The following MINDY4 variants were observed in gnomAD, a reference collection of about 807,000 sequenced individuals.
MINDY4 encodes the protein MINDY lysine 48 deubiquitinase 4.
MINDY4 carries 68 observed loss-of-function variants against 87.0 expected under a neutral mutation model. The observed-to-expected ratio is 0.78, with a 90% CI of 0.64 to 0.96. The LOEUF (loss-of-function observed/expected upper bound fraction) is 0.96. Ranked by LOEUF, MINDY4 falls within the 40% of genes least tolerant of loss-of-function variation. The pLI is 0.00. For synonymous variants in MINDY4, 379 were observed against 363.2 expected (o/e 1.04, Z -0.50); for missense variants, 919 against 928.2 (o/e 0.99, Z 0.13).
chr7:30,852,049 A>G (rs1789430852), intron 10 of MINDY4, among the ~76,000 whole-genome samples, 167 bp from the exon 11 acceptor site: 1 of 150,700 alleles, frequency 6.6e-6, no homozygotes, highest in Non-Finnish European at 1.5e-5. Flanking sequence ...GGCCCAGCCT[A>G]GTGGGTGAGT....
At chr7:30,829,288 T>G (rs1366250321) in intron 6 of MINDY4, among the ~76,000 whole-genome samples, 1 of 146,062 alleles carries the variant, frequency 6.8e-6, no homozygotes, top group East Asian at 2.3e-4. Context: ...AGCAAACTTT[T>G]TTTCTCTCTC....
intron 15 of MINDY4, among the ~76,000 whole-genome samples, chr7:30,878,107 CAG>C (rs1414124006): frequency 6.6e-6 from 1 of 151,974 alleles, no homozygotes; most frequent in African/African-American, 2.4e-5. Context: ...GACCTGGACT[CAG>C]AGCCAGGGCC....
chr7:30,854,293 C>T (rs1789506376), intron 12 of MINDY4, among the ~76,000 whole-genome samples: 2 of 152,224 alleles, frequency 1.3e-5, no homozygotes, highest in Admixed American at 6.5e-5. Flanking sequence ...CTCAGAGCAT[C>T]GCGCAGAGAG....
intron 2 of MINDY4, 81 bp downstream of exon 2, chr7:30,778,632 C>A: frequency 6.5e-7 from 1 of 1,541,322 alleles, no homozygotes; most frequent in Non-Finnish European, 9.0e-7. Context: ...CTGCCAGTGA[C>A]AGGAGAGGCT....
At chr7:30,831,480 G>A (rs146311807) in intron 6 of MINDY4, among the ~76,000 whole-genome samples, 2 of 152,316 alleles carry the variant, frequency 1.3e-5, no homozygotes, top group Admixed American at 6.5e-5. Flanking sequence ...TCCTGTAACA[G>A]TGGAGAGAGA....
At chr7:30,857,293 A>T (rs1789604073) in intron 12 of MINDY4, among the ~76,000 whole-genome samples, 3 of 152,010 alleles carry the variant, frequency 2.0e-5, no homozygotes, top group African/African-American at 7.2e-5. Context: ...CCCTTCCTTG[A>T]TACTCCCTCC....
chr7:30,836,224 C>A (rs1157898429), intron 6 of MINDY4, among the ~76,000 whole-genome samples: 2 of 152,202 alleles, frequency 1.3e-5, no homozygotes, highest in East Asian at 3.8e-4. Context: ...TTTTCTTTCC[C>A]AGTCCTGTCC....
intron 5 of MINDY4, among the ~76,000 whole-genome samples, chr7:30,824,262 T>C (rs548540048): frequency 4.2e-4 from 64 of 152,310 alleles, no homozygotes; most frequent in African/African-American, 1.4e-3. Context: ...CTGAGTGTGC[T>C]AATTCAGATC....
chr7:30,822,885 C>T (rs951117875), intron 5 of MINDY4, among the ~76,000 whole-genome samples: 3 of 151,880 alleles, frequency 2.0e-5, no homozygotes, highest in Non-Finnish European at 2.9e-5. Context: ...CTCAAGCAGT[C>T]GGCCCACCTT....
In MINDY4 at chr7:30,782,213, G is replaced by T; in HGVS notation, c.419+1G>T. 1.2e-6 allele frequency: 2 copies of T among 1,607,248 alleles called. No individual in the cohort carries two copies. Among genetic ancestry groups the T allele is most frequent in the Non-Finnish European group, 1.7e-6 (2 of 1,175,632 alleles). ...CATTGTCAGAAACAAGCAAAGCCAG[G>T]TATCTTTTCCCATTATTATGTTTAT... On this transcript the variant is annotated splice_donor_variant, in intron 3 of 17. Coordinates refer to ENST00000265299, the MANE Select transcript of MINDY4 (RefSeq NM_032222.3). LOFTEE classifies it high-confidence loss of function.
At chr7:30,837,350 A>G (rs1318085595) in intron 7 of MINDY4, among the ~76,000 whole-genome samples, 1 of 152,158 alleles carries the variant, frequency 6.6e-6, no homozygotes, top group Non-Finnish European at 1.5e-5. Flanking sequence ...GCAGGATGGA[A>G]TGTCATTCCC....
At chr7:30,863,809 G>A (rs1315214704) in intron 13 of MINDY4, among the ~76,000 whole-genome samples, 6 of 152,224 alleles carry the variant, frequency 3.9e-5, no homozygotes, top group South Asian at 2.1e-4. Context: ...ATTTCAAGCC[G>A]TTTATTTTCT....
intron 4 of MINDY4, chr7:30,786,249 T>C: frequency 2.1e-6 from 1 of 484,238 alleles, no homozygotes; most frequent in Non-Finnish European, 3.7e-6. Context: ...TTTCTGTTCC[T>C]CTGCTGGGTA....
intron 5 of MINDY4, among the ~76,000 whole-genome samples, chr7:30,824,724 A>T (rs994458360): frequency 6.6e-6 from 1 of 152,096 alleles, no homozygotes; most frequent in Non-Finnish European, 1.5e-5. Flanking sequence ...CAGGTGCGTG[A>T]CACCACGCTC....
chr7:30,836,408 G>A (rs1324760365), intron 6 of MINDY4, among the ~76,000 whole-genome samples: 1 of 152,134 alleles, frequency 6.6e-6, no homozygotes, highest in Admixed American at 6.5e-5. Context: ...AGTCTCACTC[G>A]GCAACATCCT....
At position 30,828,593 on chromosome 7, in the gene MINDY4, C is replaced by T. The variant is rs1045669938; in HGVS notation, c.1074-86C>T. 79 of 1,349,862 alleles carry T rather than the reference C, an allele frequency of 5.9e-5. 2 individuals carry two copies. The Middle Eastern group carries it at 7.2e-4, about 12-fold the overall frequency. The allele number at this position is 1,349,862 out of a possible 1,614,324, so 83.6% of individuals were successfully genotyped here. A position where few individuals can be genotyped will look rare whatever the true frequency, so the allele number is the denominator to read the frequency against. Reference sequence around the variant, plus strand: ...ACTAGAGAGACTTGTCTCCTGAATGCCTATCCATCGCTCTTAACAGTCTTC... The same window carrying T: ...ACTAGAGAGACTTGTCTCCTGAATGTCTATCCATCGCTCTTAACAGTCTTC... On this transcript the variant is annotated intron_variant, in intron 5 of 17. Coordinates refer to ENST00000265299, the MANE Select transcript of MINDY4 (RefSeq NM_032222.3).
chr7:30,892,000 C>G lies in MINDY4; in HGVS notation c.2269C>G (p.Leu757Val). ...GAACTGGAACGGCTCAGACCCCATCCTGTGACCGTTGGATGTGGGTAAACC... is the reference window on the plus strand; with the variant it reads ...GAACTGGAACGGCTCAGACCCCATCGTGTGACCGTTGGATGTGGGTAAACC... ...SVNWNGSDPI[L>V] is the part of the protein sequence containing the mutation. Residue 757 changes from leucine to valine, a missense_variant, in exon 18 of 18, where the codon CTG (leucine) becomes GTG (valine). Transcript: ENST00000265299. 6.2e-7 allele frequency: 1 copy of G among 1,614,182 alleles called. No individual in the cohort carries two copies. The highest frequency in any genetic ancestry group is 8.5e-7 in the Non-Finnish European group (1 of 1,180,014).
intron 9 of MINDY4, among the ~76,000 whole-genome samples, chr7:30,844,122 C>G (rs950598393): frequency 2.0e-5 from 3 of 152,152 alleles, no homozygotes; most frequent in Non-Finnish European, 4.4e-5. Context: ...TGTAGCCCAC[C>G]CCTACCGGCT....
chr7:30,859,176 G>A lies in MINDY4; in HGVS notation c.1678-81G>A, dbSNP rs1201081129. On this transcript the variant is annotated intron_variant, in intron 12 of 17. Coordinates refer to ENST00000265299, the MANE Select transcript of MINDY4 (RefSeq NM_032222.3). ...TGGCTCAGGGCAGGCTGCTCCCTGG[G>A]GTGTGGCTCCCACAGAGGTGTGGGG... The A allele has an allele frequency of 2.1e-6, 3 of 1,406,818 alleles. No individual in the cohort carries two copies. In the African/African-American group the frequency reaches 4.2e-5, roughly 20 times the overall value. The allele number at this position is 1,406,818 out of a possible 1,614,324, so 87.1% of individuals were successfully genotyped here. A position where few individuals can be genotyped will look rare whatever the true frequency, so the allele number is the denominator to read the frequency against.
Sources: gnomAD v4.1 joint callset for allele counts (sites outside exome capture counted in the v4.1 genomes callset) on GRCh38, gnomAD v4.1.1 for gene constraint, MANE v1.5 for transcripts, NCBI Gene and HGNC (gene_info 2026-07-23, HGNC 2026-07-21) for gene names.